SUMF1: variants seen among roughly 807,000 people sequenced by gnomAD.
SUMF1 encodes formylglycine-generating enzyme.
SUMF1 carries 48 observed loss-of-function variants against 47.6 expected under a neutral mutation model. That is an observed-to-expected ratio of 1.01 (90% CI 0.80 to 1.28). The LOEUF (loss-of-function observed/expected upper bound fraction) is 1.28. SUMF1 is among the 50% of genes most tolerant of loss of function. The pLI, the probability that SUMF1 is intolerant of heterozygous loss-of-function variation, is 0.00. For missense variants in SUMF1, 571 were observed against 485.4 expected (o/e 1.18, Z -1.66); for synonymous variants, 230 against 192.1 (o/e 1.20, Z -1.63).
At chr3:4,395,837 C>G (rs975858002) in intron 7 of SUMF1, among the ~76,000 whole-genome samples, 6 of 152,198 alleles carry the variant, frequency 3.9e-5, no homozygotes, top group South Asian at 2.1e-4. Flanking sequence ...TACATGAAAT[C>G]AGGTATTTAA....
chr3:4,184,182 G>C (rs1695152952), intron 8 of SUMF1, among the ~76,000 whole-genome samples: 1 of 151,520 alleles, frequency 6.6e-6, no homozygotes, highest in Non-Finnish European at 1.5e-5. Flanking sequence ...GAGCCCAAGT[G>C]TGGTGGCTCA....
chr3:4,252,101 AC>A (rs998604946), intron 8 of SUMF1, among the ~76,000 whole-genome samples: 7 of 152,094 alleles, frequency 4.6e-5, no homozygotes, highest in Admixed American at 2.6e-4. Flanking sequence ...CATGGTCCTC[AC>A]CCCACTGACC....
At chr3:4,401,335 T>G (rs1171949645) in intron 7 of SUMF1, among the ~76,000 whole-genome samples, 1 of 152,152 alleles carries the variant, frequency 6.6e-6, no homozygotes, top group African/African-American at 2.4e-5. Context: ...TACCCAGTAA[T>G]GGGATCGCTG....
chr3:4,349,651 G>C (rs568904667), intron 8 of SUMF1, among the ~76,000 whole-genome samples: 1 of 152,332 alleles, frequency 6.6e-6, no homozygotes, highest in East Asian at 1.9e-4. Context: ...ATACTATGCA[G>C]TCATAAAAAG....
Position 4,446,288 on chromosome 3 carries a change from TAGTA to T in SUMF1, c.519+2974_519+2977del, listed in dbSNP as rs370111351. Among the ~76,000 whole-genome samples the T allele has an allele frequency of 6.0e-3, 915 of 152,252 alleles. 6 individuals are homozygous for T. The highest frequency in any genetic ancestry group is 0.021 in the African/African-American group (879 of 41,548). ...AGGTTTTCCTGTGCTGTTGCCATGA[TAGTA>T]AATAAGTCTCACGAGATCTGATGGT... On this transcript the variant is annotated intron_variant, in intron 3 of 8. Coordinates refer to ENST00000272902, the MANE Select transcript of SUMF1 (RefSeq NM_182760.4).
At chr3:4,267,967 C>A (rs1188214544) in intron 8 of SUMF1, among the ~76,000 whole-genome samples, 1 of 145,426 alleles carries the variant, frequency 6.9e-6, no homozygotes, top group Non-Finnish European at 1.5e-5. Flanking sequence ...TTCACAATAG[C>A]AAAGACTTGG....
chr3:4,162,370 T>C (rs1480050445), intron 8 of SUMF1, among the ~76,000 whole-genome samples: 1 of 152,106 alleles, frequency 6.6e-6, no homozygotes, highest in Non-Finnish European at 1.5e-5. Context: ...GCCCAGCACA[T>C]GACTAGGACT....
chr3:4,200,549 C>T (rs1489686272), intron 8 of SUMF1, among the ~76,000 whole-genome samples: 1 of 152,102 alleles, frequency 6.6e-6, no homozygotes, highest in Non-Finnish European at 1.5e-5. Flanking sequence ...TTTTCACGCT[C>T]AAACTTAGAG....
chr3:4,395,516 G>A (rs1225769720), intron 7 of SUMF1, among the ~76,000 whole-genome samples: 1 of 152,054 alleles, frequency 6.6e-6, no homozygotes, highest in Non-Finnish European at 1.5e-5. Context: ...CCCAAAGAAA[G>A]GTCAAAGAAA....
At chr3:4,458,729 G>A (rs1234076640) in intron 1 of SUMF1, among the ~76,000 whole-genome samples, 4 of 152,042 alleles carry the variant, frequency 2.6e-5, no homozygotes, top group Non-Finnish European at 4.4e-5. Flanking sequence ...GGTGGCGGGC[G>A]CCTGTAGTCC....
At chr3:4,384,038 A>C (rs56042918) in intron 7 of SUMF1, among the ~76,000 whole-genome samples, 1 of 145,586 alleles carries the variant, frequency 6.9e-6, no homozygotes, top group East Asian at 1.9e-4. Flanking sequence ...CGTTTTTAAA[A>C]GGAATGAAGT....
chr3:4,058,336 T>C (rs78444796), intron 9 of SUMF1, among the ~76,000 whole-genome samples: 2 of 152,286 alleles, frequency 1.3e-5, no homozygotes, highest in East Asian at 1.9e-4. Flanking sequence ...GTCATGTACA[T>C]AACAAATGCT....
intron 8 of SUMF1, among the ~76,000 whole-genome samples, chr3:4,209,711 T>C (rs886808581): frequency 3.3e-5 from 5 of 152,084 alleles, no homozygotes; most frequent in South Asian, 2.1e-4. Context: ...ATCAACTATA[T>C]GCTAACAAGT....
chr3:4,384,461 T>TA lies in SUMF1; in HGVS notation c.955-8073dup, dbSNP rs77296470. Among the ~76,000 whole-genome samples the TA allele has an allele frequency of 9.8e-5, 15 of 152,328 alleles. No individual in the cohort carries two copies. In the East Asian group the frequency reaches 2.9e-3, roughly 29 times the overall value. On this transcript the variant is annotated intron_variant, in intron 7 of 8. Coordinates refer to ENST00000272902, the MANE Select transcript of SUMF1 (RefSeq NM_182760.4). ...ATCCCTTACGTTGCCCTTTTATAGTTACGACCACTTCCTTCCCAACCCCAA... is the reference window on the plus strand; with the variant it reads ...ATCCCTTACGTTGCCCTTTTATAGTTAACGACCACTTCCTTCCCAACCCCAA...
At chr3:4,184,990 C>T (rs1011984271) in intron 8 of SUMF1, among the ~76,000 whole-genome samples, 2 of 152,088 alleles carry the variant, frequency 1.3e-5, no homozygotes, top group African/African-American at 4.8e-5. Context: ...GCTCTGTGTA[C>T]TCCTCTCCGA....
chr3:4,035,543 C>A (rs1251010620), intron 9 of SUMF1, among the ~76,000 whole-genome samples: 1 of 152,064 alleles, frequency 6.6e-6, no homozygotes, highest in Non-Finnish European at 1.5e-5. Flanking sequence ...TGAATAAAAC[C>A]TTTTTTCCAA....
intron 3 of SUMF1, among the ~76,000 whole-genome samples, chr3:4,448,889 C>A (rs1234559560): frequency 1.3e-5 from 2 of 152,206 alleles, no homozygotes; most frequent in African/African-American, 4.8e-5. Context: ...CACACCAGCA[C>A]CTGAGGAGAT....
chr3:4,129,169 T>A (rs1257552307), intron 8 of SUMF1, among the ~76,000 whole-genome samples: 1 of 152,102 alleles, frequency 6.6e-6, no homozygotes, highest in Non-Finnish European at 1.5e-5. Flanking sequence ...CTTCTCTGCA[T>A]GTCATATCTA....
chr3:4,084,856 G>T (rs972249104), intron 8 of SUMF1, among the ~76,000 whole-genome samples: 4 of 152,044 alleles, frequency 2.6e-5, no homozygotes, highest in African/African-American at 9.7e-5. Flanking sequence ...GATGAGGAGA[G>T]GACCATTATC....
Sources: allele counts gnomAD v4.1 joint callset (sites outside exome capture counted in the v4.1 genomes callset), GRCh38; gene constraint gnomAD v4.1.1; transcripts MANE v1.5; gene names NCBI Gene and HGNC (gene_info 2026-07-23, HGNC 2026-07-21).